The following ZNF736 variants were observed in gnomAD, a reference collection of about 807,000 sequenced individuals.
ZNF736 encodes zinc finger protein 736, also known as KRAB-containing zinc-finger repressor protein.
ZNF736 carries 6 observed loss-of-function variants against 11.7 expected under a neutral mutation model. The observed-to-expected ratio is 0.51, with a 90% CI of 0.28 to 1.01. The LOEUF is 1.01. Ranked by LOEUF, ZNF736 falls within the 50% of genes least tolerant of loss-of-function variation. ZNF736 has a pLI of 0.09. For synonymous variants in ZNF736, 139 were observed against 164.7 expected (o/e 0.84, Z 1.19); for missense variants, 444 against 496.0 (o/e 0.90, Z 1.00).
chr7:64,345,445 T>C (rs1022647631), intron 3 of ZNF736, among the ~76,000 whole-genome samples: 2 of 151,592 alleles, frequency 1.3e-5, no homozygotes, highest in African/African-American at 4.8e-5. Flanking sequence ...AAAAGTGTGT[T>C]GTTGGTTGGG....
In ZNF736 at chr7:64,349,153, T is replaced by C. The variant is rs771856535; in HGVS notation, c.*6T>C. ...AGAAGCTCCACAAGTGTTAAAAATG[T>C]GGAAAAGCCTTTACCAAGTCCTCAT... is the stretch of plus-strand genomic sequence containing the variant. On this transcript the variant is annotated 3_prime_UTR_variant, in exon 4 of 4. Transcript: ENST00000423484. 1.3e-6 allele frequency: 2 copies of C among 1,511,650 alleles called. No homozygotes were observed. The highest frequency in any genetic ancestry group is 2.6e-5 in the South Asian group (2 of 76,446). 93.6% of individuals were successfully genotyped at this position (1,511,650 alleles called of 1,614,324 possible).
chr7:64,337,761 T>TTTTTTTTTTTTTTTTC (rs1789279090), intron 3 of ZNF736, among the ~76,000 whole-genome samples: 1 of 134,426 alleles, frequency 7.4e-6, no homozygotes, highest in Non-Finnish European at 1.6e-5. Context: ...TTTTGGTTTT[T>TTTTTTTTTTTTTTTTC]TTTTTTTTTT....
At position 64,349,337 on chromosome 7, in the gene ZNF736, G is replaced by A. The variant is rs1054807064; in HGVS notation, c.*190G>A. 2.3e-6 allele frequency: 1 copy of A among 429,944 alleles called. No homozygotes were observed. The highest frequency in any genetic ancestry group is 4.0e-6 in the Non-Finnish European group (1 of 250,684). The allele number at this position is 429,944 out of a possible 1,614,324, so 26.6% of individuals were successfully genotyped here. ...ATATAGCCCTTTGCTATTATGTAAT[G>A]CCCTTTTTTTTTAAATCTATGTTAA... On this transcript the variant is annotated 3_prime_UTR_variant, in exon 4 of 4. Coordinates refer to ENST00000423484, the MANE Select transcript of ZNF736 (RefSeq NM_001170905.3).
Position 64,355,974 on chromosome 7 carries a change from G to A in ZNF736, c.*6827G>A, listed in dbSNP as rs1789548531. ...GGGCAATTGGATGATATATAGAGTG[G>A]TTATGCTGCATCAGGTCCTAAGAAA... is the stretch of plus-strand genomic sequence containing the variant. On this transcript the variant is annotated 3_prime_UTR_variant, in exon 4 of 4. Coordinates refer to ENST00000423484, the MANE Select transcript of ZNF736 (RefSeq NM_001170905.3). 5.4e-6 allele frequency: 1 copy of A among 186,126 alleles called. No homozygotes were observed. The highest frequency in any genetic ancestry group is 2.4e-5 in the African/African-American group (1 of 42,252). 11.5% of individuals were successfully genotyped at this position (186,126 alleles called of 1,614,324 possible).
intron 1 of ZNF736, among the ~76,000 whole-genome samples, chr7:64,325,207 T>G (rs538305308): frequency 5.9e-5 from 9 of 152,296 alleles, no homozygotes; most frequent in Non-Finnish European, 1.0e-4. Context: ...TGTAACCAAT[T>G]AATTTTTTGT....
rs1789505456 is a variant in ZNF736, at chr7:64,352,693, C to T, written c.*3546C>T. On this transcript the variant is annotated 3_prime_UTR_variant, in exon 4 of 4. Coordinates refer to ENST00000423484, the MANE Select transcript of ZNF736 (RefSeq NM_001170905.3). ...CGGGGGACCTGCTTTAACAGGCAGT[C>T]TGGCCATGTCTTTTTAGAGCACCTG... 6.6e-6 allele frequency: 1 copy of T among 152,244 alleles called. No homozygotes were observed. Among genetic ancestry groups the T allele is most frequent in the African/African-American group, 2.4e-5 (1 of 41,444 alleles). 9.4% of individuals were successfully genotyped at this position (152,244 alleles called of 1,614,324 possible).
At chr7:64,322,037 C>A (rs113969583) in intron 1 of ZNF736, among the ~76,000 whole-genome samples, 2 of 152,052 alleles carry the variant, frequency 1.3e-5, no homozygotes, top group Non-Finnish European at 2.9e-5. Context: ...GAACTACAGT[C>A]TGAATTTAGC....
Position 64,348,341 on chromosome 7 carries a change from T to C in ZNF736, c.478T>C (p.Phe160Leu), listed in dbSNP as rs1432122861. 2 of 1,551,606 alleles carry C rather than the reference T, an allele frequency of 1.3e-6. No individual in the cohort carries two copies. Among genetic ancestry groups the C allele is most frequent in the South Asian group, 2.4e-5 (2 of 84,052 alleles). The part of the protein sequence containing the change: ...CGRGFQLCSI[F>L]TEHKDIFSRE... Reference sequence around the variant, plus strand: ...CAGAGGTTTTCAGTTGTGCTCAATCTTCACTGAACATAAAGACATTTTTAG... The same window carrying C: ...CAGAGGTTTTCAGTTGTGCTCAATCCTCACTGAACATAAAGACATTTTTAG... The change falls in exon 4 of 4, where the codon TTC becomes CTC. Residue 160 changes from phenylalanine (F) to leucine (L), a missense_variant. Physicochemically the swap from Phe to Leu is conservative, Grantham distance 22 (BLOSUM62 0). Coordinates refer to ENST00000423484, the MANE Select transcript of ZNF736 (RefSeq NM_001170905.3).
chr7:64,324,647 C>T (rs750975129), intron 1 of ZNF736, among the ~76,000 whole-genome samples: 1 of 152,190 alleles, frequency 6.6e-6, no homozygotes. Flanking sequence ...TCCCTGTCCT[C>T]AGACGCTAAA....
chr7:64,335,119 A>C (rs1180868248), intron 1 of ZNF736, among the ~76,000 whole-genome samples: 1 of 152,152 alleles, frequency 6.6e-6, no homozygotes, highest in Non-Finnish European at 1.5e-5. Context: ...CAGGGAGGGA[A>C]ACATCACACA....
At position 64,336,246 on chromosome 7, in the gene ZNF736, T is replaced by A; in HGVS notation, c.4-13T>A. On this transcript the variant is annotated splice_polypyrimidine_tract_variant and intron_variant, in intron 1 of 3. Transcript: ENST00000423484. ...TTTCTATGGTCACTTGGTAAATATG[T>A]TTTGTTTTCCAGGGAGTGTTGACAT... 1.2e-6 allele frequency: 2 copies of A among 1,606,528 alleles called. No individual in the cohort carries two copies. The highest frequency in any genetic ancestry group is 1.7e-6 in the Non-Finnish European group (2 of 1,175,948).
Position 64,353,199 on chromosome 7 carries a change from T to G in ZNF736, c.*4052T>G, listed in dbSNP as rs767453127. ...AGAGATCTGTGGGAGAATCATGGGT[T>G]TCTAGGGTCACACATGCACTCACTG... On this transcript the variant is annotated 3_prime_UTR_variant, in exon 4 of 4. Coordinates refer to ENST00000423484, the MANE Select transcript of ZNF736 (RefSeq NM_001170905.3). 6 of 152,182 alleles carry G rather than the reference T, an allele frequency of 3.9e-5. No individual in the cohort carries two copies. Among genetic ancestry groups the G allele is most frequent in the Non-Finnish European group, 5.9e-5 (4 of 68,036 alleles). 9.4% of individuals were successfully genotyped at this position (152,182 alleles called of 1,614,324 possible). A position where few individuals can be genotyped will look rare whatever the true frequency, so the allele number is the denominator to read the frequency against.
In ZNF736 at chr7:64,352,589, A is replaced by G. The variant is rs1253420634; in HGVS notation, c.*3442A>G. 6.6e-6 allele frequency: 1 copy of G among 152,564 alleles called. No individual in the cohort carries two copies. Among genetic ancestry groups the G allele is most frequent in the Non-Finnish European group, 1.5e-5 (1 of 68,392 alleles). The allele number at this position is 152,564 out of a possible 1,614,324, so 9.5% of individuals were successfully genotyped here. A position where few individuals can be genotyped will look rare whatever the true frequency, so the allele number is the denominator to read the frequency against. On this transcript the variant is annotated 3_prime_UTR_variant, in exon 4 of 4. Coordinates refer to ENST00000423484, the MANE Select transcript of ZNF736 (RefSeq NM_001170905.3). ...AACTGTATCCCAAAGAGGTTTCAAAACTCCATCAACCAAAGAGCGCTGGTG... is the reference window on the plus strand; with the variant it reads ...AACTGTATCCCAAAGAGGTTTCAAAGCTCCATCAACCAAAGAGCGCTGGTG...
chr7:64,316,350 G>A lies in ZNF736; in HGVS notation c.3+2197G>A, dbSNP rs1017482252. ...TTCATTTCTTGCAGACACATTGGTG[G>A]TCAACCAATCAGGTGCTGATATTGA... On this transcript the variant is annotated intron_variant, in intron 1 of 3. Coordinates refer to ENST00000423484, the MANE Select transcript of ZNF736 (RefSeq NM_001170905.3). 2.6e-5 allele frequency among the ~76,000 whole-genome samples: 4 copies of A among 152,160 alleles called. 1 individual carries two copies. The highest frequency in any genetic ancestry group is 9.7e-5 in the African/African-American group (4 of 41,444).
Position 64,353,756 on chromosome 7 carries a change from C to T in ZNF736, c.*4609C>T, listed in dbSNP as rs962437820. 10 of 152,150 alleles carry T rather than the reference C, an allele frequency of 6.6e-5. No individual in the cohort carries two copies. The highest frequency in any genetic ancestry group is 2.2e-4 in the African/African-American group (9 of 41,428). 9.4% of individuals were successfully genotyped at this position (152,150 alleles called of 1,614,324 possible). ...GGATGATAGGAGTGTGGTAAGTGAT[C>T]AGGATAATAATCTGCTTAGTAAGAG... On this transcript the variant is annotated 3_prime_UTR_variant, in exon 4 of 4. Coordinates refer to ENST00000423484, the MANE Select transcript of ZNF736 (RefSeq NM_001170905.3).
chr7:64,331,577 A>G (rs1231669981), intron 1 of ZNF736, among the ~76,000 whole-genome samples: 1 of 151,982 alleles, frequency 6.6e-6, no homozygotes, highest in Non-Finnish European at 1.5e-5. Flanking sequence ...TAGTCATTCT[A>G]TTTGGTGTTT....
chr7:64,340,151 T>C lies in ZNF736; in HGVS notation c.226+3169T>C, dbSNP rs144810924. 6.0e-3 allele frequency among the ~76,000 whole-genome samples: 907 copies of C among 152,322 alleles called. 8 individuals carry two copies. Among genetic ancestry groups the C allele is most frequent in the African/African-American group, 0.02 (852 of 41,566 alleles). ...GCTGGTATATGGTGTGCCTGATGTG[T>C]GTTTCTTACTGAGTATGTGGCAAGA... On this transcript the variant is annotated intron_variant, in intron 3 of 3. Transcript: ENST00000423484.
chr7:64,319,242 A>T (rs928202524), intron 1 of ZNF736, among the ~76,000 whole-genome samples: 13 of 149,722 alleles, frequency 8.7e-5, no homozygotes, highest in African/African-American at 3.2e-4. Context: ...GGCCTCAAAT[A>T]CGTATGTATA....
chr7:64,328,041 T>C (rs1340955541), intron 1 of ZNF736, among the ~76,000 whole-genome samples: 1 of 152,220 alleles, frequency 6.6e-6, no homozygotes, highest in Non-Finnish European at 1.5e-5. Context: ...TCTTTTAGTC[T>C]TCTCAAAATA....
Sources: allele counts gnomAD v4.1 joint callset (sites outside exome capture counted in the v4.1 genomes callset), GRCh38; gene constraint gnomAD v4.1.1; transcripts MANE v1.5; gene names NCBI Gene and HGNC (gene_info 2026-07-23, HGNC 2026-07-21).